The following SH3TC2 variants were observed in gnomAD, a reference collection of about 807,000 sequenced individuals.
SH3TC2 encodes the protein SH3 domain and tetratricopeptide repeats 2, also known as SH3 domain and tetratricopeptide repeat-containing protein 2.
In SH3TC2, 87 loss-of-function variants were observed where a neutral mutation model predicts 124.5. That is an observed-to-expected ratio of 0.70 (90% CI 0.59 to 0.84). The LOEUF (loss-of-function observed/expected upper bound fraction) is 0.84. SH3TC2 is among the 40% of genes least tolerant of loss of function. The probability of loss-of-function intolerance (pLI) is 0.00; values close to 1 mark genes in which losing one functional copy is unlikely to be tolerated. For synonymous variants in SH3TC2, 634 were observed against 628.5 expected (o/e 1.01, Z -0.13); for missense variants, 1,536 against 1,566.4 (o/e 0.98, Z 0.33).
In SH3TC2 at chr5:149,012,746, C is replaced by T. The variant is rs1264100817; in HGVS notation, c.3054-12G>A. On this transcript the variant is annotated splice_polypyrimidine_tract_variant and intron_variant, in intron 12 of 16. Transcript: ENST00000515425. ...ACCTCCTGAGGGACCTGGGGACAGA[C>T]ATGAACTTGTGAGGTGTGAAGGCTC... is the stretch of plus-strand genomic sequence containing the variant. 1 of 1,614,040 alleles carries T rather than the reference C, an allele frequency of 6.2e-7. No homozygotes were observed. Among genetic ancestry groups the T allele is most frequent in the Non-Finnish European group, 8.5e-7 (1 of 1,179,988 alleles).
At chr5:149,025,655 C>A (rs1364587955) in intron 12 of SH3TC2, 2 of 152,234 alleles carry the variant, frequency 1.3e-5, no homozygotes, top group African/African-American at 2.4e-5. Flanking sequence ...TGCCCTCTGG[C>A]AAATGAGGAT....
At chr5:149,030,943 C>G (rs10074456) in intron 9 of SH3TC2, among the ~76,000 whole-genome samples, 11,962 of 152,252 alleles carry the variant, frequency 0.079, 567 homozygotes, top group African/African-American at 0.13. Flanking sequence ...TCAGACACTG[C>G]TCAAAACCAG....
Position 148,994,632 on chromosome 5 carries a change from TTGG to T in SH3TC2, c.*10076_*10078del, listed in dbSNP as rs1561752158. Among the ~76,000 whole-genome samples, 7 of 151,466 alleles carry T rather than the reference TTGG, an allele frequency of 4.6e-5. No individual in the cohort carries two copies. In the South Asian group the frequency reaches 6.3e-4, roughly 14 times the overall value. ...GTTGGTTGGTTGGTTGGTTGGTTGG[TTGG>T]TTGGTTGGTTGGTTGGTTGGTTGGT... On this transcript the variant is annotated 3_prime_UTR_variant, in exon 17 of 17. Transcript: ENST00000515425.
intron 2 of SH3TC2, among the ~76,000 whole-genome samples, chr5:149,050,208 C>G (rs1205167121): frequency 3.3e-5 from 5 of 152,204 alleles, no homozygotes; most frequent in Non-Finnish European, 7.4e-5. Context: ...CCTGTGCCCA[C>G]AGTGGGATCC....
Position 149,028,223 on chromosome 5 carries a change from C to T in SH3TC2, c.1509G>A (p.Glu503=). Residue 503 remains glutamate, a synonymous_variant, in exon 11 of 17, where the codon GAG becomes GAA. Coordinates refer to ENST00000515425, the MANE Select transcript of SH3TC2 (RefSeq NM_024577.4). ...FLTSSFYSFS[E]EDEFVAYLEA... ...CCAGGTAGGCCACAAACTCATCCTCCTCAGAGAAGCTATAAAAGGAAGAAG... is the reference window on the plus strand; with the variant it reads ...CCAGGTAGGCCACAAACTCATCCTCTTCAGAGAAGCTATAAAAGGAAGAAG... 1.9e-6 allele frequency: 3 copies of T among 1,614,046 alleles called. No homozygotes were observed. The highest frequency in any genetic ancestry group is 1.1e-5 in the South Asian group (1 of 91,082).
rs1295736089 is a variant in SH3TC2 at position 148,994,170 on chromosome 5, A to G, written c.*10541T>C. Among the ~76,000 whole-genome samples, 1 of 152,194 alleles carries G rather than the reference A, an allele frequency of 6.6e-6. No homozygotes were observed. Among genetic ancestry groups the G allele is most frequent in the Non-Finnish European group, 1.5e-5 (1 of 68,036 alleles). ...TTATCAAAATTTCAGCTGAGGTTTT[A>G]TGCAATACTTGCAATATAGATAAGG... is the stretch of plus-strand genomic sequence containing the variant. On this transcript the variant is annotated 3_prime_UTR_variant, in exon 17 of 17. Transcript: ENST00000515425.
At chr5:149,018,387 A>G (rs1483366635) in intron 12 of SH3TC2, among the ~76,000 whole-genome samples, 2 of 152,102 alleles carry the variant, frequency 1.3e-5, no homozygotes, top group Admixed American at 6.5e-5. Flanking sequence ...GACATACCCA[A>G]GATTGGGTAA....
chr5:149,010,247 C>A, intron 14 of SH3TC2, 23 bp downstream of exon 14: 1 of 1,614,092 alleles, frequency 6.2e-7, no homozygotes, highest in Non-Finnish European at 8.5e-7. Flanking sequence ...CCTGTCTCAG[C>A]AAACTGCACA....
intron 1 of SH3TC2, chr5:149,057,693 A>G (rs1459727035): frequency 6.6e-6 from 1 of 152,194 alleles, no homozygotes; most frequent in Admixed American, 6.5e-5. Context: ...ATCGGTATGC[A>G]TTTGTTTTCT....
At chr5:149,019,864 C>G (rs1255250790) in intron 12 of SH3TC2, among the ~76,000 whole-genome samples, 1 of 152,148 alleles carries the variant, frequency 6.6e-6, no homozygotes, top group East Asian at 1.9e-4. Context: ...CTAGCAACCA[C>G]TGAAGGAGAC....
chr5:149,028,682 A>G lies in SH3TC2; in HGVS notation c.1172T>C (p.Leu391Pro), dbSNP rs141544031. The G allele has an allele frequency of 1.2e-6, 2 of 1,614,180 alleles. No individual in the cohort carries two copies. The highest frequency in any genetic ancestry group is 1.7e-6 in the Non-Finnish European group (2 of 1,180,030). Residue 391 changes from leucine (L) to proline (P), a missense_variant, in exon 10 of 17, where the codon CTG (leucine) becomes CCG (proline). Coordinates refer to ENST00000515425, the MANE Select transcript of SH3TC2 (RefSeq NM_024577.4). Reference sequence around the variant, plus strand: ...TCAGCATGATCGCTACTCACCACTCAGATCATTTGGAGGATTCTGGATGGA... The same window carrying G: ...TCAGCATGATCGCTACTCACCACTCGGATCATTTGGAGGATTCTGGATGGA... ...FESIQNPPND[L>P]SASQPEGFKE...
chr5:148,985,852 G>A lies in SH3TC2; in HGVS notation c.*18859C>T, dbSNP rs879823649. On this transcript the variant is annotated 3_prime_UTR_variant, in exon 17 of 17. Transcript: ENST00000515425. ...TAGCCACTTTTATTTTTCAATGTGT[G>A]GAATGTCATTTTTATATAGATTTGG... Among the ~76,000 whole-genome samples, 1 of 152,108 alleles carries A rather than the reference G, an allele frequency of 6.6e-6. No individual in the cohort carries two copies. Among genetic ancestry groups the A allele is most frequent in the Admixed American group, 6.6e-5 (1 of 15,266 alleles).
chr5:149,056,046 T>C (rs1437876700), intron 1 of SH3TC2, among the ~76,000 whole-genome samples: 2 of 152,216 alleles, frequency 1.3e-5, no homozygotes, highest in Non-Finnish European at 2.9e-5. Context: ...TCATGCACAA[T>C]TCTATATAAA....
In SH3TC2 at chr5:148,995,575, A is replaced by G. The variant is rs1205156607; in HGVS notation, c.*9136T>C. On this transcript the variant is annotated 3_prime_UTR_variant, in exon 17 of 17. Coordinates refer to ENST00000515425, the MANE Select transcript of SH3TC2 (RefSeq NM_024577.4). ...ACCTGCTATATATGTGAGCAGCCCT[A>G]TCACCTGATTTCTCAATCACTCATG... 6.6e-6 allele frequency among the ~76,000 whole-genome samples: 1 copy of G among 152,232 alleles called. No homozygotes were observed.
rs2127388312 is a variant in SH3TC2 at position 148,991,894 on chromosome 5, C to A, written c.*12817G>T. ...TCCTCTTGCACTGGAAGCTGGTATGCTGATGATGTCATGGTGGCTCAACTT... is the reference window on the plus strand; with the variant it reads ...TCCTCTTGCACTGGAAGCTGGTATGATGATGATGTCATGGTGGCTCAACTT... On this transcript the variant is annotated 3_prime_UTR_variant, in exon 17 of 17. Transcript: ENST00000515425. Among the ~76,000 whole-genome samples, 1 of 152,282 alleles carries A rather than the reference C, an allele frequency of 6.6e-6. No individual in the cohort carries two copies. The highest frequency in any genetic ancestry group is 1.5e-5 in the Non-Finnish European group (1 of 68,008).
intron 1 of SH3TC2, among the ~76,000 whole-genome samples, chr5:149,061,694 A>C (rs36046): frequency 0.25 from 37,931 of 152,018 alleles, 5,409 homozygotes; most frequent in African/African-American, 0.37. Flanking sequence ...CAAGATGACA[A>C]CTGCATAACT....
chr5:149,000,423 T>G lies in SH3TC2; in HGVS notation c.*4288A>C, dbSNP rs1444752297. Among the ~76,000 whole-genome samples, 2 of 152,216 alleles carry G rather than the reference T, an allele frequency of 1.3e-5. No individual in the cohort carries two copies. The highest frequency in any genetic ancestry group is 4.8e-5 in the African/African-American group (2 of 41,454). On this transcript the variant is annotated 3_prime_UTR_variant, in exon 17 of 17. Coordinates refer to ENST00000515425, the MANE Select transcript of SH3TC2 (RefSeq NM_024577.4). The stretch of plus-strand genomic sequence containing the variant: ...TAAGGCCTAGGCTGGGTGCTTGCAA[T>G]GAGCAACAGGACCTAGCTTGAAGTT...
intron 12 of SH3TC2, among the ~76,000 whole-genome samples, chr5:149,016,959 G>C (rs1308578324): frequency 1.3e-5 from 2 of 151,298 alleles, no homozygotes; most frequent in Non-Finnish European, 2.9e-5. Flanking sequence ...AAAGCCAGGA[G>C]CAATGACTGC....
Position 149,047,902 on chromosome 5 carries a change from G to A in SH3TC2, c.239C>T (p.Ala80Val). 6.2e-7 allele frequency: 1 copy of A among 1,614,106 alleles called. No homozygotes were observed. The change falls in exon 3 of 17, where the codon GCA becomes GTA. Residue 80 changes from alanine to valine, a missense_variant. Around this residue, in one of 3 missense-constraint regions of SH3TC2, gnomAD observed 1,102 missense variants for 1,098.6 expected, o/e 1.00. Coordinates refer to ENST00000515425, the MANE Select transcript of SH3TC2 (RefSeq NM_024577.4). ...LQEAARRRLW[A>V]LENEDQEVRM... is the part of the protein sequence containing the mutation. ...CACCTCCTGGTCCTCATTCTCCAGT[G>A]CCCAGAGCCGCCTCCGAGCAGCTTC... is the stretch of plus-strand genomic sequence containing the variant.
Sources: gnomAD v4.1 joint callset for allele counts (sites outside exome capture counted in the v4.1 genomes callset) on GRCh38, gnomAD v4.1.1 for gene constraint, gnomAD v4.1.1 regional missense constraint, MANE v1.5 for transcripts, NCBI Gene and HGNC (gene_info 2026-07-23, HGNC 2026-07-21) for gene names.